CGAS: variants seen among roughly 807,000 people sequenced by gnomAD.
CGAS encodes cyclic GMP-AMP synthase.
CGAS carries 31 observed loss-of-function variants against 34.0 expected under a neutral mutation model. The observed-to-expected ratio is 0.91, with a 90% confidence interval of 0.69 to 1.23. The LOEUF is 1.23. Among genes scored for constraint, CGAS ranks in the 50% most tolerant of loss-of-function variants. The pLI is 0.00. For synonymous variants in CGAS, 266 were observed against 260.0 expected (o/e 1.02, Z -0.22); for missense variants, 597 against 657.6 (o/e 0.91, Z 1.01).
intron 1 of CGAS, among the ~76,000 whole-genome samples, chr6:73,447,984 G>A (rs865865498): frequency 6.6e-6 from 1 of 152,108 alleles, no homozygotes; most frequent in African/African-American, 2.4e-5. Context: ...TGCATCAGCT[G>A]TATGTATTCC....
chr6:73,443,235 CT>C lies in CGAS; in HGVS notation c.877+2292del, dbSNP rs35135687. ...TTGTTCATTCTCTTCTTCCCAAACTCTTTTTTTTTTTTTTTTTTTTCTGAGA... is the reference window on the plus strand; with the variant it reads ...TTGTTCATTCTCTTCTTCCCAAACTCTTTTTTTTTTTTTTTTTTTCTGAGA... On this transcript the variant is annotated intron_variant, in intron 2 of 4. Transcript: ENST00000370315. Among the ~76,000 whole-genome samples, 317 of 104,218 alleles carry C rather than the reference CT, an allele frequency of 3.0e-3. 3 individuals carry two copies. The highest frequency in any genetic ancestry group is 0.011 in the African/African-American group (280 of 26,324). The allele number at this position is 104,218 out of a possible 152,430, so 68.4% of individuals were successfully genotyped here. A position where few individuals can be genotyped will look rare whatever the true frequency, so the allele number is the denominator to read the frequency against.
In CGAS at chr6:73,446,203, G is replaced by A. The variant is rs192930802; in HGVS notation, c.658-456C>T. The stretch of plus-strand genomic sequence containing the variant: ...AAATTAGCCGGGCATAGTGGCATGC[G>A]CCTGTAATCCCAGCTACTCAGGAGG... On this transcript the variant is annotated intron_variant, in intron 1 of 4. Transcript: ENST00000370315. 5.4e-4 allele frequency among the ~76,000 whole-genome samples: 82 copies of A among 151,954 alleles called. 2 individuals are homozygous for A. Among genetic ancestry groups the A allele is most frequent in the Admixed American group, 4.7e-3 (72 of 15,218 alleles).
rs150220319 is a variant in CGAS, at chr6:73,451,683, C to T, written c.499G>A (p.Ala167Thr). 5 of 1,613,990 alleles carry T rather than the reference C, an allele frequency of 3.1e-6. No individual in the cohort carries two copies. Among genetic ancestry groups the T allele is most frequent in the South Asian group, 2.2e-5 (2 of 91,088 alleles). Reference sequence around the variant, plus strand: ...CTGAGCTTCAACTTCTCCAAAACCGCCCGGAGCTTCGAGGCCCCAGGCGCC... The same window carrying T: ...CTGAGCTTCAACTTCTCCAAAACCGTCCGGAGCTTCGAGGCCCCAGGCGCC... ...DAAPGASKLR[A>T]VLEKLKLSRD... is the part of the protein sequence containing the mutation. Residue 167 changes from alanine (A) to threonine (T), a missense_variant, in exon 1 of 5, where the codon GCG becomes ACG. Coordinates refer to ENST00000370315, the MANE Select transcript of CGAS (RefSeq NM_138441.3).
chr6:73,452,261 GA>G lies in CGAS; in HGVS notation c.-81del. The stretch of plus-strand genomic sequence containing the variant: ...GAGGAAGAGCCAGCAGCAGCTGTTG[GA>G]AACCAAGCACTACTGGCGGGCACAC... On this transcript the variant is annotated 5_prime_UTR_variant, in exon 1 of 5. Transcript: ENST00000370315. The G allele has an allele frequency of 6.9e-7, 1 of 1,458,742 alleles. No homozygotes were observed. The highest frequency in any genetic ancestry group is 9.1e-7 in the Non-Finnish European group (1 of 1,101,706). The allele number at this position is 1,458,742 out of a possible 1,614,324, so 90.4% of individuals were successfully genotyped here.
intron 4 of CGAS, among the ~76,000 whole-genome samples, chr6:73,426,409 A>G (rs1424786455): frequency 6.6e-6 from 1 of 151,770 alleles, no homozygotes; most frequent in Non-Finnish European, 1.5e-5. Context: ...TTATGTTTTC[A>G]AATATATGGT....
At chr6:73,450,005 G>C (rs1770535745) in intron 1 of CGAS, among the ~76,000 whole-genome samples, 1 of 142,920 alleles carries the variant, frequency 7.0e-6, no homozygotes, top group African/African-American at 2.6e-5. Flanking sequence ...AAAAAAAGAA[G>C]AAAGAAGAAA....
intron 3 of CGAS, among the ~76,000 whole-genome samples, chr6:73,434,486 T>C: frequency 6.6e-6 from 1 of 152,136 alleles, no homozygotes; most frequent in Non-Finnish European, 1.5e-5. Context: ...AAGGACATTC[T>C]ACAAAATACC....
intron 3 of CGAS, among the ~76,000 whole-genome samples, chr6:73,434,060 A>C (rs1770238903): frequency 6.6e-6 from 1 of 152,242 alleles, no homozygotes; most frequent in Non-Finnish European, 1.5e-5. Context: ...TTGCCCTAAA[A>C]GATATTGAGA....
intron 3 of CGAS, among the ~76,000 whole-genome samples, chr6:73,437,762 A>T (rs903665177): frequency 6.6e-6 from 1 of 152,206 alleles, no homozygotes; most frequent in African/African-American, 2.4e-5. Flanking sequence ...TTTAAAATTT[A>T]AAATTTTTAA....
rs1770329740 is a variant in CGAS, at chr6:73,439,095, T to G, written c.1114+1114A>C. Among the ~76,000 whole-genome samples the G allele has an allele frequency of 3.9e-5, 6 of 152,182 alleles. No individual in the cohort carries two copies. The South Asian group carries it at 1.2e-3, about 31-fold the overall frequency. ...ATGATTGACTATTTCTGGGCTTTTT[T>G]CAGCAATACTCATTTATAACTTGGT... On this transcript the variant is annotated intron_variant, in intron 3 of 4. Transcript: ENST00000370315.
intron 4 of CGAS, among the ~76,000 whole-genome samples, chr6:73,427,101 C>T (rs868504216): frequency 1.0e-4 from 15 of 150,544 alleles, no homozygotes; most frequent in African/African-American, 2.7e-4. Flanking sequence ...CTACCTGCCT[C>T]GGCCTCCCAA....
intron 2 of CGAS, among the ~76,000 whole-genome samples, chr6:73,444,941 T>C (rs2150815716): frequency 6.6e-6 from 1 of 152,240 alleles, no homozygotes; most frequent in South Asian, 2.1e-4. Flanking sequence ...ATTGTGCCAT[T>C]TTCTGAGATG....
In CGAS at chr6:73,426,563, G is replaced by T. The variant is rs558216832; in HGVS notation, c.1218-985C>A. ...AGACAGGGTCTCACTCTGTCACCCA[G>T]GCTGGGATGCAGTGATACAATCTCG... On this transcript the variant is annotated intron_variant, in intron 4 of 4. Coordinates refer to ENST00000370315, the MANE Select transcript of CGAS (RefSeq NM_138441.3). 1.9e-3 allele frequency among the ~76,000 whole-genome samples: 282 copies of T among 150,186 alleles called. 1 individual carries two copies. The highest frequency in any genetic ancestry group is 3.4e-3 in the Non-Finnish European group (232 of 67,690).
intron 4 of CGAS, among the ~76,000 whole-genome samples, chr6:73,425,921 C>A (rs1433493070): frequency 6.6e-6 from 1 of 151,922 alleles, no homozygotes; most frequent in Non-Finnish European, 1.5e-5. Context: ...TTGCAGTGAG[C>A]CAAGATCGCG....
At chr6:73,431,469 C>G (rs1264163817) in intron 3 of CGAS, among the ~76,000 whole-genome samples, 1 of 151,974 alleles carries the variant, frequency 6.6e-6, no homozygotes, top group Non-Finnish European at 1.5e-5. Flanking sequence ...AAAACTCCCT[C>G]TCAAAAAAAC....
chr6:73,443,050 A>G (rs144275541), intron 2 of CGAS, among the ~76,000 whole-genome samples: 31 of 151,896 alleles, frequency 2.0e-4, no homozygotes, highest in African/African-American at 7.0e-4. Flanking sequence ...TACACATGTT[A>G]TCTCCACTGC....
intron 3 of CGAS, 167 bp downstream of exon 3, chr6:73,440,042 T>C (rs1770348778): frequency 1.7e-6 from 1 of 596,334 alleles, no homozygotes; most frequent in Middle Eastern, 4.5e-4. Flanking sequence ...ACTACAACTT[T>C]GCCCTTTTCA....
intron 2 of CGAS, among the ~76,000 whole-genome samples, chr6:73,441,983 C>T (rs565866451): frequency 6.6e-6 from 1 of 152,246 alleles, no homozygotes; most frequent in East Asian, 1.9e-4. Flanking sequence ...AGTGATTCTC[C>T]TGCCTCAACC....
intron 3 of CGAS, among the ~76,000 whole-genome samples, chr6:73,430,945 T>C (rs1473749076): frequency 6.6e-6 from 1 of 151,278 alleles, no homozygotes; most frequent in Non-Finnish European, 1.5e-5. Flanking sequence ...CTACTAAAAA[T>C]ACAAAAATTA....
Sources: gnomAD v4.1 joint callset for allele counts (sites outside exome capture counted in the v4.1 genomes callset) on GRCh38, gnomAD v4.1.1 for gene constraint, MANE v1.5 for transcripts, NCBI Gene and HGNC (gene_info 2026-07-23, HGNC 2026-07-21) for gene names.